The following SLC39A8 variants were observed in gnomAD, a reference collection of about 807,000 sequenced individuals.
The protein encoded by SLC39A8 is solute carrier family 39 member 8, also known as metal cation symporter ZIP8.
In SLC39A8, 15 loss-of-function variants were observed where a neutral mutation model predicts 40.4. The ratio of observed to expected loss-of-function variants is 0.37; its 90% CI spans 0.25 to 0.57. SLC39A8 has a LOEUF of 0.57. SLC39A8 is among the 20% of genes least tolerant of loss of function. SLC39A8 has a pLI of 0.75. For synonymous variants in SLC39A8, 223 were observed against 221.6 expected, an observed-to-expected ratio of 1.01 and a Z score of -0.06; for missense variants, 472 against 558.8, an observed-to-expected ratio of 0.84 and a Z score of 1.57.
intron 2 of SLC39A8, among the ~76,000 whole-genome samples, chr4:102,328,493 G>A (rs943614288): frequency 4.5e-4 from 68 of 152,060 alleles, no homozygotes; most frequent in African/African-American, 1.2e-3. Flanking sequence ...ATGATGAGGA[G>A]GGAAAGGAAT....
chr4:102,322,187 T>G (rs763815867), intron 2 of SLC39A8, among the ~76,000 whole-genome samples: 1 of 152,176 alleles, frequency 6.6e-6, no homozygotes, highest in Non-Finnish European at 1.5e-5. Context: ...CCACTAGTCC[T>G]GCTGTGAGTC....
chr4:102,294,334 G>T (rs745744703), intron 6 of SLC39A8, among the ~76,000 whole-genome samples: 1 of 151,978 alleles, frequency 6.6e-6, no homozygotes, highest in Non-Finnish European at 1.5e-5. Context: ...ATCCTGCCAA[G>T]TCAGTTTAGC....
At chr4:102,336,745 C>A (rs1426893632) in intron 2 of SLC39A8, among the ~76,000 whole-genome samples, 1 of 152,108 alleles carries the variant, frequency 6.6e-6, no homozygotes, top group Non-Finnish European at 1.5e-5. Flanking sequence ...TGAATGTTTT[C>A]TATGCTCCCA....
At chr4:102,311,598 A>G (rs1214519607) in intron 3 of SLC39A8, among the ~76,000 whole-genome samples, 1 of 152,122 alleles carries the variant, frequency 6.6e-6, no homozygotes, top group Non-Finnish European at 1.5e-5. Context: ...CTGCAACTTC[A>G]TCAAAAAGTG....
At chr4:102,331,547 T>C (rs762427170) in intron 2 of SLC39A8, among the ~76,000 whole-genome samples, 3 of 152,208 alleles carry the variant, frequency 2.0e-5, no homozygotes, top group Non-Finnish European at 2.9e-5. Flanking sequence ...CATTCCATGT[T>C]CATGGATAGG....
chr4:102,272,133 T>C (rs1732389224), intron 6 of SLC39A8, among the ~76,000 whole-genome samples: 1 of 151,950 alleles, frequency 6.6e-6, no homozygotes, highest in South Asian at 2.1e-4. Flanking sequence ...AGGCCAGGTG[T>C]TCAAGACCAA....
At chr4:102,332,972 C>T (rs1219234987) in intron 2 of SLC39A8, among the ~76,000 whole-genome samples, 1 of 152,042 alleles carries the variant, frequency 6.6e-6, no homozygotes, top group African/African-American at 2.4e-5. Context: ...ACAATGAGAA[C>T]ACATGGACAC....
intron 6 of SLC39A8, among the ~76,000 whole-genome samples, chr4:102,274,251 A>T (rs529298371): frequency 7.9e-5 from 12 of 152,266 alleles, no homozygotes; most frequent in Non-Finnish European, 1.5e-4. Context: ...TTAGAGAAGA[A>T]CATAAATGAT....
chr4:102,344,886 C>A lies in SLC39A8; in HGVS notation c.-224G>T, dbSNP rs181002557. ...CAGCGTAGCCGAGGGGAGCGATAGGCGGAGTGGGCCCCCCGGCCTCCTGGA... is the reference window on the plus strand; with the variant it reads ...CAGCGTAGCCGAGGGGAGCGATAGGAGGAGTGGGCCCCCCGGCCTCCTGGA... On this transcript the variant is annotated 5_prime_UTR_variant, in exon 2 of 9. Coordinates refer to ENST00000356736, the MANE Select transcript of SLC39A8 (RefSeq NM_001135146.2). 7 of 1,300,550 alleles carry A rather than the reference C, an allele frequency of 5.4e-6. No homozygotes were observed. The East Asian group carries it at 2.2e-4, about 42-fold the overall frequency. The allele number at this position is 1,300,550 out of a possible 1,614,324, so 80.6% of individuals were successfully genotyped here.
exon 12 of SLC39A8, chr4:102,253,113 T>C: frequency 3.7e-6 from 1 of 273,516 alleles, no homozygotes; most frequent in Non-Finnish European, 6.7e-6. Flanking sequence ...CCAAATAAGG[T>C]CACATTCTGA....
intron 2 of SLC39A8, among the ~76,000 whole-genome samples, chr4:102,338,919 C>T: frequency 6.6e-6 from 1 of 152,122 alleles, no homozygotes; most frequent in Non-Finnish European, 1.5e-5. Flanking sequence ...TAAATCCTAG[C>T]TATAATTATT....
downstream of SLC39A8, among the ~76,000 whole-genome samples, chr4:102,260,010 A>C (rs1265494999): frequency 6.6e-6 from 1 of 152,240 alleles, no homozygotes; most frequent in African/African-American, 2.4e-5. Context: ...AATAGTACTC[A>C]CAGGAGGCTA....
intron 6 of SLC39A8, among the ~76,000 whole-genome samples, chr4:102,284,658 T>C (rs1172465632): frequency 6.6e-6 from 1 of 152,186 alleles, no homozygotes; most frequent in Non-Finnish European, 1.5e-5. Flanking sequence ...GCCATTATTG[T>C]TTTAATATAA....
chr4:102,324,715 G>C (rs931393320), intron 2 of SLC39A8, among the ~76,000 whole-genome samples: 1 of 152,092 alleles, frequency 6.6e-6, no homozygotes, highest in Non-Finnish European at 1.5e-5. Context: ...GATTCCAGAG[G>C]TTTCTTTCCC....
rs567055655 is a variant in SLC39A8 at position 102,272,659 on chromosome 4, C to G, written c.841-4580G>C. The stretch of plus-strand genomic sequence containing the variant: ...ACACCACTTAAAGAATTCTTACTGA[C>G]AGGCCAGATGGCCAAGTAGGAACAG... On this transcript the variant is annotated intron_variant, in intron 6 of 8. Coordinates refer to ENST00000356736, the MANE Select transcript of SLC39A8 (RefSeq NM_001135146.2). 4.6e-5 allele frequency among the ~76,000 whole-genome samples: 7 copies of G among 152,228 alleles called. No individual in the cohort carries two copies. In the East Asian group the frequency reaches 1.4e-3, roughly 29 times the overall value.
At chr4:102,258,200 A>G (rs1372377437), downstream of SLC39A8, among the ~76,000 whole-genome samples, 1 of 150,304 alleles carries the variant, frequency 6.7e-6, no homozygotes, top group African/African-American at 2.5e-5. Flanking sequence ...CGCCTCCCTG[A>G]TTAACACCAT....
At chr4:102,330,051 A>C (rs1217795657) in intron 2 of SLC39A8, among the ~76,000 whole-genome samples, 19 of 152,216 alleles carry the variant, frequency 1.2e-4, no homozygotes, top group Admixed American at 1.2e-3. Context: ...AGCATTAAGT[A>C]TCCACAGGAG....
chr4:102,282,589 T>C (rs1353183804), intron 6 of SLC39A8, among the ~76,000 whole-genome samples: 1 of 147,652 alleles, frequency 6.8e-6, no homozygotes, highest in Non-Finnish European at 1.5e-5. Context: ...TTAATGGGTG[T>C]TCAATAAATA....
intron 4 of SLC39A8, among the ~76,000 whole-genome samples, chr4:102,306,424 T>C (rs1734174383): frequency 6.6e-6 from 1 of 152,016 alleles, no homozygotes; most frequent in African/African-American, 2.4e-5. Flanking sequence ...TTTTTATCTC[T>C]ACAATTGAGG....
Sources: gnomAD v4.1 joint callset for allele counts (sites outside exome capture counted in the v4.1 genomes callset) on GRCh38, gnomAD v4.1.1 for gene constraint, MANE v1.5 for transcripts, NCBI Gene and HGNC (gene_info 2026-07-23, HGNC 2026-07-21) for gene names.